Variants in PTPRD observed in about 807,000 individuals in gnomAD.
PTPRD encodes receptor-type tyrosine-protein phosphatase delta.
In PTPRD, 34 loss-of-function variants were observed where a neutral mutation model predicts 214.5. The ratio of observed to expected loss-of-function variants is 0.16; its 90% CI spans 0.12 to 0.21. The LOEUF (loss-of-function observed/expected upper bound fraction) is 0.21, where lower values mean the gene tolerates loss of function less well. PTPRD is among the 10% of genes least tolerant of loss of function. PTPRD has a pLI of 1.00. For missense variants in PTPRD, 2,545 were observed against 2,398.7 expected, an observed-to-expected ratio of 1.06 and a Z score of -1.27; for synonymous variants, 1,128 against 845.7, an observed-to-expected ratio of 1.33 and a Z score of -5.79.
intron 30 of PTPRD, among the ~76,000 whole-genome samples, chr9:8,483,647 G>A (rs1361672709): frequency 6.6e-6 from 1 of 152,110 alleles, no homozygotes; most frequent in African/African-American, 2.4e-5. Context: ...AGCTACTCAG[G>A]AGGCTGAGGC....
chr9:9,644,849 C>A (rs772078667), intron 7 of PTPRD, among the ~76,000 whole-genome samples: 3 of 152,144 alleles, frequency 2.0e-5, no homozygotes, highest in South Asian at 2.1e-4. Flanking sequence ...GGAGAAGATT[C>A]TTTTCCCACT....
At chr9:9,512,139 G>A (rs1341770656) in intron 8 of PTPRD, among the ~76,000 whole-genome samples, 3 of 151,718 alleles carry the variant, frequency 2.0e-5, no homozygotes, top group Non-Finnish European at 4.4e-5. Context: ...CTAAGGACTT[G>A]TTGAACTCAT....
At chr9:8,406,814 G>A (rs1484029808) in intron 35 of PTPRD, among the ~76,000 whole-genome samples, 1 of 152,088 alleles carries the variant, frequency 6.6e-6, no homozygotes, top group South Asian at 2.1e-4. Context: ...TGTGATCATG[G>A]AATTATAACT....
At chr9:8,785,074 G>C (rs1448053636) in intron 11 of PTPRD, among the ~76,000 whole-genome samples, 5 of 152,112 alleles carry the variant, frequency 3.3e-5, no homozygotes, top group African/African-American at 1.2e-4. Flanking sequence ...ACAGCTAACA[G>C]CTGGGCTCCT....
chr9:9,676,067 T>G (rs987073568), intron 7 of PTPRD, among the ~76,000 whole-genome samples: 1 of 152,136 alleles, frequency 6.6e-6, no homozygotes, highest in Non-Finnish European at 1.5e-5. Context: ...ATGTACATAA[T>G]TATCTCAAAA....
intron 34 of PTPRD, among the ~76,000 whole-genome samples, chr9:8,439,760 A>G (rs919602182): frequency 1.3e-5 from 2 of 152,120 alleles, no homozygotes; most frequent in Non-Finnish European, 2.9e-5. Context: ...GTTATATGAT[A>G]TAAACAAATA....
rs866247253 is a variant in PTPRD, at chr9:9,872,079, C to G, written c.-368+66428G>C. Among the ~76,000 whole-genome samples the G allele has an allele frequency of 1.7e-4, 26 of 152,108 alleles. 1 individual carries two copies. The highest frequency in any genetic ancestry group is 4.6e-4 in the Admixed American group (7 of 15,260). ...CTGTGGTGGGGTCATGATGGCTCCCCTCTATAATTGTTCACACTATAATCA... is the reference window on the plus strand; with the variant it reads ...CTGTGGTGGGGTCATGATGGCTCCCGTCTATAATTGTTCACACTATAATCA... On this transcript the variant is annotated intron_variant, in intron 5 of 45. Transcript: ENST00000381196.
intron 11 of PTPRD, among the ~76,000 whole-genome samples, chr9:8,920,550 T>G (rs1365685186): frequency 6.6e-6 from 1 of 152,064 alleles, no homozygotes; most frequent in Non-Finnish European, 1.5e-5. Context: ...GGGTCACACA[T>G]AAAATACACT....
intron 7 of PTPRD, among the ~76,000 whole-genome samples, chr9:9,713,645 A>G (rs1355773113): frequency 6.6e-6 from 1 of 152,206 alleles, no homozygotes; most frequent in Non-Finnish European, 1.5e-5. Context: ...ATTTAGAAAA[A>G]TAAATGCAGA....
intron 3 of PTPRD, among the ~76,000 whole-genome samples, chr9:10,199,901 G>GCA (rs1789292693): frequency 6.7e-6 from 1 of 149,920 alleles, no homozygotes; most frequent in Non-Finnish European, 1.5e-5. Context: ...GGGCACTCGC[G>GCA]CGCACACACG....
chr9:10,277,030 GA>G (rs893834872), intron 3 of PTPRD, among the ~76,000 whole-genome samples: 1 of 152,168 alleles, frequency 6.6e-6, no homozygotes, highest in Non-Finnish European at 1.5e-5. Flanking sequence ...GAGAGTGAGA[GA>G]AAGGAAGTAG....
intron 12 of PTPRD, among the ~76,000 whole-genome samples, chr9:8,716,009 T>G (rs2098430062): frequency 1.3e-5 from 2 of 152,276 alleles, no homozygotes; most frequent in African/African-American, 4.8e-5. Context: ...ACTGTTCACC[T>G]GCTCTTTAGC....
chr9:10,552,022 G>C lies in PTPRD; in HGVS notation c.-600+60376C>G, dbSNP rs559401812. 3.3e-5 allele frequency among the ~76,000 whole-genome samples: 5 copies of C among 152,164 alleles called. No individual in the cohort carries two copies. In the South Asian group the frequency reaches 1.0e-3, roughly 32 times the overall value. On this transcript the variant is annotated intron_variant, in intron 2 of 45. Coordinates refer to ENST00000381196, the MANE Select transcript of PTPRD (RefSeq NM_002839.4). ...AATCACTTCTCTATGGAGGTGCTTTGGAGTCTTCAAGCAAACATCTCTCCC... is the reference window on the plus strand; with the variant it reads ...AATCACTTCTCTATGGAGGTGCTTTCGAGTCTTCAAGCAAACATCTCTCCC...
intron 10 of PTPRD, among the ~76,000 whole-genome samples, chr9:9,073,780 G>A (rs1404924789): frequency 6.6e-6 from 1 of 151,972 alleles, no homozygotes; most frequent in Non-Finnish European, 1.5e-5. Flanking sequence ...CTGTTTTTCT[G>A]AAAAACCCTG....
At chr9:9,763,467 C>T (rs981332471) in intron 6 of PTPRD, among the ~76,000 whole-genome samples, 12 of 150,122 alleles carry the variant, frequency 8.0e-5, no homozygotes, top group Non-Finnish European at 1.5e-4. Flanking sequence ...GAACAGTCTT[C>T]TTTAAAAAAT....
Position 8,336,589 on chromosome 9 carries a change from A to G in PTPRD, c.5379+2333T>C, listed in dbSNP as rs3953281. On this transcript the variant is annotated intron_variant, in intron 43 of 45. Transcript: ENST00000381196. ...GCAATGGCAACTAAAGCCAAAAGTG[A>G]CAAATGGGATCTAATTAAACTAAAG... Among the ~76,000 whole-genome samples, 53 of 150,946 alleles carry G rather than the reference A, an allele frequency of 3.5e-4. 1 individual carries two copies. The highest frequency in any genetic ancestry group is 9.3e-4 in the Admixed American group (14 of 15,098).
chr9:8,717,448 C>A (rs1214020145), intron 12 of PTPRD, among the ~76,000 whole-genome samples: 1 of 152,142 alleles, frequency 6.6e-6, no homozygotes, highest in Non-Finnish European at 1.5e-5. Context: ...AAATACAGTT[C>A]AGATCCTCAA....
intron 7 of PTPRD, among the ~76,000 whole-genome samples, chr9:9,691,875 A>G (rs890473381): frequency 3.3e-5 from 5 of 152,056 alleles, no homozygotes; most frequent in Non-Finnish European, 4.4e-5. Flanking sequence ...CTGATGATCA[A>G]TGATGTTAAA....
intron 16 of PTPRD, among the ~76,000 whole-genome samples, 163 bp downstream of exon 16, chr9:8,527,182 C>T (rs961135443): frequency 7.9e-5 from 12 of 151,948 alleles, no homozygotes; most frequent in African/African-American, 2.7e-4. Context: ...AGTGTTCTTA[C>T]GATAACAGTT....
Sources: allele counts gnomAD v4.1 joint callset (sites outside exome capture counted in the v4.1 genomes callset), GRCh38; gene constraint gnomAD v4.1.1; transcripts MANE v1.5; gene names NCBI Gene and HGNC (gene_info 2026-07-23, HGNC 2026-07-21).